Variants in TBC1D12 observed in about 807,000 individuals in gnomAD.
The protein encoded by TBC1D12 is TBC1 domain family, member 12.
TBC1D12 carries 56 observed loss-of-function variants against 86.7 expected under a neutral mutation model. The ratio of observed to expected loss-of-function variants is 0.65; its 90% CI spans 0.52 to 0.81. The LOEUF (loss-of-function observed/expected upper bound fraction) is 0.81, where lower values mean the gene tolerates loss of function less well. Among genes scored for constraint, TBC1D12 ranks in the 30% least tolerant of loss-of-function variants. TBC1D12 has a pLI of 0.00. For missense variants in TBC1D12, 1,023 were observed against 1,038.8 expected (o/e 0.98, Z 0.21); for synonymous variants, 421 against 411.7 (o/e 1.02, Z -0.27).
chr10:94,404,287 T>C (rs896599383), intron 1 of TBC1D12, among the ~76,000 whole-genome samples: 1 of 152,320 alleles, frequency 6.6e-6, no homozygotes, highest in Non-Finnish European at 1.5e-5. Flanking sequence ...CTCCTTTTTT[T>C]CCCCAATAAC....
At chr10:94,515,335 G>GTT (rs763318309) in intron 9 of TBC1D12, among the ~76,000 whole-genome samples, 10 of 149,742 alleles carry the variant, frequency 6.7e-5, no homozygotes, top group Admixed American at 3.3e-4. Context: ...TATAGGTTTG[G>GTT]TTTTTTTGTT....
At position 94,403,288 on chromosome 10, in the gene TBC1D12, C is replaced by T. The variant is rs978271004; in HGVS notation, c.675C>T (p.Ser225=). The T allele has an allele frequency of 2.0e-6, 3 of 1,497,386 alleles. No homozygotes were observed. Among genetic ancestry groups the T allele is most frequent in the Admixed American group, 2.3e-5 (1 of 44,316 alleles). The allele number at this position is 1,497,386 out of a possible 1,614,324, so 92.8% of individuals were successfully genotyped here. The change falls in exon 1 of 13, where the codon AGC becomes AGT. Residue 225 remains serine (S), a synonymous_variant. Coordinates refer to ENST00000225235, the MANE Select transcript of TBC1D12 (RefSeq NM_015188.2). The stretch of plus-strand genomic sequence containing the variant: ...GCGACTCGGGGGACAGCCCCGCCAG[C>T]AGCTGCAGCAGTAGCGAGGACTCAG... ...AGSDSGDSPA[S]SCSSSEDSEQ...
At chr10:94,427,833 C>CAAAAAAA (rs71031576) in intron 1 of TBC1D12, among the ~76,000 whole-genome samples, 5 of 67,022 alleles carry the variant, frequency 7.5e-5, no homozygotes, top group African/African-American at 1.2e-4. Flanking sequence ...CCCTGTCTCA[C>CAAAAAAA]AAAAAAAAAA....
Position 94,441,953 on chromosome 10 carries a change from T to G in TBC1D12, c.1029T>G (p.Gly343=), listed in dbSNP as rs780982430. Residue 343 remains glycine, a synonymous_variant, in exon 2 of 13, where the codon GGT becomes GGG. Transcript: ENST00000225235. ...AATCAGTTGTCCATAGTGCTCCTGG[T>G]TGGAAATTATTTGGTAAAGTCCCTC... ...ELKSVVHSAP[G]WKLFGKVPPR... is the part of the protein sequence containing the mutation. 18 of 1,613,508 alleles carry G rather than the reference T, an allele frequency of 1.1e-5. No individual in the cohort carries two copies. The South Asian group carries it at 1.6e-4, about 15-fold the overall frequency.
rs1308698354 is a variant in TBC1D12 at position 94,521,940 on chromosome 10, T to G, written c.1762-15T>G. ...ATTGTAAGTCCATTTTGACTAAATT[T>G]TTCTCCCTTTGAAGGTCCAAGGGAT... On this transcript the variant is annotated splice_polypyrimidine_tract_variant and intron_variant, in intron 9 of 12. Transcript: ENST00000225235. 6.4e-7 allele frequency: 1 copy of G among 1,557,802 alleles called. No homozygotes were observed. Among genetic ancestry groups the G allele is most frequent in the Non-Finnish European group, 8.7e-7 (1 of 1,145,080 alleles).
At chr10:94,479,854 T>A (rs1341589203) in intron 3 of TBC1D12, among the ~76,000 whole-genome samples, 1 of 152,144 alleles carries the variant, frequency 6.6e-6, no homozygotes, top group Non-Finnish European at 1.5e-5. Context: ...AGAATTTAAG[T>A]ATGTAAGTAG....
At chr10:94,444,227 A>T (rs1282451448) in intron 2 of TBC1D12, among the ~76,000 whole-genome samples, 2 of 144,076 alleles carry the variant, frequency 1.4e-5, no homozygotes, top group African/African-American at 2.5e-5. Context: ...ATTTATGTGT[A>T]TTTTTTTTTT....
intron 3 of TBC1D12, among the ~76,000 whole-genome samples, chr10:94,491,282 AACTG>A (rs1371157617): frequency 3.3e-5 from 5 of 152,206 alleles, no homozygotes; most frequent in Admixed American, 3.3e-4. Context: ...CTACCAGATC[AACTG>A]ACTAATTTGA....
chr10:94,535,983 A>G lies in TBC1D12; in HGVS notation c.*2887A>G, dbSNP rs1464274499. On this transcript the variant is annotated 3_prime_UTR_variant, in exon 13 of 13. Transcript: ENST00000225235. ...GGGGATATCTGTTTTATTTAACTGC[A>G]TCTCAAGGAAACAAAGGAAATAATC... 1 of 152,138 alleles carries G rather than the reference A, an allele frequency of 6.6e-6. No homozygotes were observed. Among genetic ancestry groups the G allele is most frequent in the Non-Finnish European group, 1.5e-5 (1 of 67,984 alleles). The allele number at this position is 152,138 out of a possible 1,614,324, so 9.4% of individuals were successfully genotyped here. A position where few individuals can be genotyped will look rare whatever the true frequency, so the allele number is the denominator to read the frequency against.
intron 5 of TBC1D12, among the ~76,000 whole-genome samples, chr10:94,499,137 A>G (rs1401294829): frequency 6.6e-6 from 1 of 152,218 alleles, no homozygotes; most frequent in East Asian, 1.9e-4. Flanking sequence ...CACATCCATC[A>G]GCTCACGTAT....
At chr10:94,422,563 A>G (rs987294470) in intron 1 of TBC1D12, among the ~76,000 whole-genome samples, 4 of 151,794 alleles carry the variant, frequency 2.6e-5, no homozygotes, top group Non-Finnish European at 5.9e-5. Flanking sequence ...CTGGACTCCT[A>G]TCAGGAAACA....
chr10:94,497,592 T>A (rs1181741980), intron 5 of TBC1D12, among the ~76,000 whole-genome samples: 2 of 143,904 alleles, frequency 1.4e-5, no homozygotes, highest in Non-Finnish European at 3.0e-5. Flanking sequence ...TGGTCTCCGC[T>A]CACTGCAAGC....
chr10:94,462,885 G>GT (rs1245724161), intron 2 of TBC1D12, among the ~76,000 whole-genome samples: 1 of 151,784 alleles, frequency 6.6e-6, no homozygotes, highest in African/African-American at 2.4e-5. Context: ...TTCACTTCTT[G>GT]TTTTTTGTGT....
chr10:94,445,287 A>G (rs1317550789), intron 2 of TBC1D12, among the ~76,000 whole-genome samples: 1 of 151,832 alleles, frequency 6.6e-6, no homozygotes, highest in African/African-American at 2.4e-5. Flanking sequence ...TGAACCCGGG[A>G]GGCGGAGGTT....
chr10:94,407,736 G>A (rs1468847473), intron 1 of TBC1D12, among the ~76,000 whole-genome samples: 1 of 151,284 alleles, frequency 6.6e-6, no homozygotes, highest in Admixed American at 6.6e-5. Flanking sequence ...AGGAGTGAAA[G>A]CTTTTTTGAA....
intron 1 of TBC1D12, among the ~76,000 whole-genome samples, chr10:94,436,865 G>A (rs922943079): frequency 2.0e-5 from 3 of 150,680 alleles, no homozygotes; most frequent in Non-Finnish European, 3.0e-5. Context: ...GCACCACCAC[G>A]CACAGCTAAT....
At chr10:94,474,627 T>C (rs755854880) in intron 2 of TBC1D12, 41 bp from the exon 3 acceptor site, 1 of 1,425,930 alleles carries the variant, frequency 7.0e-7, no homozygotes, top group Non-Finnish European at 9.9e-7. Context: ...CAAACTATGT[T>C]GGAGCAGTTT....
At chr10:94,404,015 G>A (rs1298997841) in intron 1 of TBC1D12, among the ~76,000 whole-genome samples, 1 of 152,178 alleles carries the variant, frequency 6.6e-6, no homozygotes, top group African/African-American at 2.4e-5. Flanking sequence ...GGCGGTATGT[G>A]TGTACGGGTG....
chr10:94,522,255 A>G (rs1842171856), intron 10 of TBC1D12, 89 bp from the exon 11 acceptor site: 2 of 1,081,986 alleles, frequency 1.8e-6, no homozygotes, highest in Non-Finnish European at 2.6e-6. Context: ...ATTCTTAATG[A>G]GCACGATTTC....
Sources: gnomAD v4.1 joint callset for allele counts (sites outside exome capture counted in the v4.1 genomes callset) on GRCh38, gnomAD v4.1.1 for gene constraint, MANE v1.5 for transcripts, NCBI Gene and HGNC (gene_info 2026-07-23, HGNC 2026-07-21) for gene names.